The following MCPH1 variants were observed in gnomAD, a reference collection of about 807,000 sequenced individuals.
MCPH1 encodes microcephalin 1.
In MCPH1, 104 loss-of-function variants were observed where a neutral mutation model predicts 84.5. The observed-to-expected ratio is 1.23, with a 90% CI of 1.05 to 1.45. MCPH1 has a LOEUF of 1.45. Among genes scored for constraint, MCPH1 ranks in the 40% most tolerant of loss-of-function variants. The probability of loss-of-function intolerance (pLI) is 0.00; values close to 1 mark genes in which losing one functional copy is unlikely to be tolerated. For synonymous variants in MCPH1, 514 were observed against 366.8 expected (o/e 1.40, Z -4.58); for missense variants, 1,498 against 1,005.7 (o/e 1.49, Z -6.62).
intron 3 of MCPH1, among the ~76,000 whole-genome samples, chr8:6,424,872 G>A (rs1260614289): frequency 1.3e-5 from 2 of 152,222 alleles, no homozygotes; most frequent in African/African-American, 4.8e-5. Context: ...GAAGGATAGC[G>A]TGCTTCGCGG....
At chr8:6,440,791 C>T (rs963104299) in intron 6 of MCPH1, among the ~76,000 whole-genome samples, 1 of 152,160 alleles carries the variant, frequency 6.6e-6, no homozygotes, top group Non-Finnish European at 1.5e-5. Flanking sequence ...AATTTTATGT[C>T]CTTTGTCCAT....
intron 12 of MCPH1, among the ~76,000 whole-genome samples, chr8:6,605,303 T>C (rs942688083): frequency 6.6e-6 from 1 of 152,208 alleles, no homozygotes; most frequent in Non-Finnish European, 1.5e-5. Flanking sequence ...CTGCCTGTAC[T>C]CCTGTTCGCT....
At chr8:6,417,165 T>C (rs1367176808) in intron 3 of MCPH1, among the ~76,000 whole-genome samples, 1 of 152,210 alleles carries the variant, frequency 6.6e-6, no homozygotes, top group Non-Finnish European at 1.5e-5. Context: ...TTTTTGGCCA[T>C]TATTTCTTCA....
chr8:6,465,421 C>T (rs1806764506), intron 9 of MCPH1, among the ~76,000 whole-genome samples: 1 of 152,190 alleles, frequency 6.6e-6, no homozygotes, highest in African/African-American at 2.4e-5. Flanking sequence ...CGTCCTCGGA[C>T]GCCTGGTCTC....
intron 6 of MCPH1, among the ~76,000 whole-genome samples, chr8:6,439,644 G>A (rs7814965): frequency 2.0e-5 from 3 of 151,866 alleles, no homozygotes; most frequent in Admixed American, 6.6e-5. Context: ...TGATACACCC[G>A]CCTCGGCCTC....
rs144257035 is a variant in MCPH1 at position 6,538,941 on chromosome 8, C to T, written c.2214+39012C>T. On this transcript the variant is annotated intron_variant, in intron 12 of 13. Transcript: ENST00000344683. ...TGACCTAATGTTCTTGGTTCCCTGT[C>T]ATGAGGAAACTCTGAAACATCATTT... 3.3e-3 allele frequency among the ~76,000 whole-genome samples: 504 copies of T among 152,288 alleles called. 2 individuals are homozygous for T. Among genetic ancestry groups the T allele is most frequent in the African/African-American group, 0.012 (486 of 41,562 alleles).
intron 12 of MCPH1, among the ~76,000 whole-genome samples, chr8:6,537,227 C>G (rs1159085972): frequency 6.6e-6 from 1 of 152,064 alleles, no homozygotes; most frequent in Non-Finnish European, 1.5e-5. Flanking sequence ...GAGGATTATT[C>G]CATGAGCGTG....
intron 13 of MCPH1, among the ~76,000 whole-genome samples, chr8:6,640,091 T>TGTGTGTGTGTGA (rs1259493700): frequency 2.1e-5 from 3 of 144,936 alleles, no homozygotes; most frequent in African/African-American, 8.0e-5. Context: ...TGTGTGTGTG[T>TGTGTGTGTGTGA]GTGTGTGCGC....
At chr8:6,636,027 C>T (rs1032151986) in intron 13 of MCPH1, among the ~76,000 whole-genome samples, 1 of 152,172 alleles carries the variant, frequency 6.6e-6, no homozygotes. Context: ...GAAATGACTG[C>T]TTGGTAGTAG....
At chr8:6,503,109 C>T (rs1246406077) in intron 12 of MCPH1, 2 of 1,614,048 alleles carry the variant, frequency 1.2e-6, no homozygotes, top group African/African-American at 2.7e-5. Context: ...GTTTAGAAAT[C>T]TGCTGGTCGG....
chr8:6,625,627 C>G, intron 13 of MCPH1: 1 of 984,994 alleles, frequency 1.0e-6, no homozygotes, highest in Non-Finnish European at 1.2e-6. Flanking sequence ...AGGTAGGGTC[C>G]CTGAGCGTCT....
At chr8:6,639,509 T>C (rs1797785421) in intron 13 of MCPH1, among the ~76,000 whole-genome samples, 1 of 151,944 alleles carries the variant, frequency 6.6e-6, no homozygotes, top group Non-Finnish European at 1.5e-5. Flanking sequence ...AAAAAAATTT[T>C]AAAAGTAGCC....
At chr8:6,536,304 G>A (rs1004074452) in intron 12 of MCPH1, among the ~76,000 whole-genome samples, 1 of 152,164 alleles carries the variant, frequency 6.6e-6, no homozygotes. Flanking sequence ...GATCCCAGGC[G>A]CCTCACATCA....
At chr8:6,601,182 C>T (rs753551711) in intron 12 of MCPH1, among the ~76,000 whole-genome samples, 1 of 152,182 alleles carries the variant, frequency 6.6e-6, no homozygotes, top group South Asian at 2.1e-4. Context: ...GGCAGCTGCA[C>T]TTTCCAGAGG....
chr8:6,599,681 A>G (rs192610626), intron 12 of MCPH1, among the ~76,000 whole-genome samples: 19 of 152,350 alleles, frequency 1.2e-4, no homozygotes, highest in Admixed American at 5.9e-4. Context: ...TGTTGGAAAT[A>G]GTCTCCTGGT....
chr8:6,643,322 T>C lies in MCPH1; in HGVS notation c.*273T>C. On this transcript the variant is annotated 3_prime_UTR_variant, in exon 14 of 14. Transcript: ENST00000344683. ...CCCTGTTTCCCAGGCTGGAGTGCAA[T>C]GGCACAATCTCGGCTCACTGCAACC... The C allele has an allele frequency of 1.5e-5, 7 of 452,128 alleles. No individual in the cohort carries two copies. The allele number at this position is 452,128 out of a possible 1,614,324, so 28.0% of individuals were successfully genotyped here.
At chr8:6,590,080 A>C (rs1554468101) in intron 12 of MCPH1, among the ~76,000 whole-genome samples, 1 of 152,150 alleles carries the variant, frequency 6.6e-6, no homozygotes, top group Non-Finnish European at 1.5e-5. Context: ...TAATAGCAAA[A>C]AGTGGGGGAG....
At chr8:6,463,493 G>C (rs1410463301) in intron 9 of MCPH1, among the ~76,000 whole-genome samples, 1 of 152,226 alleles carries the variant, frequency 6.6e-6, no homozygotes, top group South Asian at 2.1e-4. Flanking sequence ...TGCGGAGGCA[G>C]TAGATTGGGA....
intron 12 of MCPH1, among the ~76,000 whole-genome samples, chr8:6,557,412 G>T (rs761030715): frequency 6.6e-6 from 1 of 152,188 alleles, no homozygotes; most frequent in Non-Finnish European, 1.5e-5. Context: ...CCACCCTGTT[G>T]CGATTGCTGC....
Sources: gnomAD v4.1 joint callset for allele counts (sites outside exome capture counted in the v4.1 genomes callset) on GRCh38, gnomAD v4.1.1 for gene constraint, MANE v1.5 for transcripts, NCBI Gene and HGNC (gene_info 2026-07-23, HGNC 2026-07-21) for gene names.